Variants in KIF13A observed in about 807,000 individuals in gnomAD.
KIF13A encodes kinesin-like protein KIF13A.
Under a neutral mutation model 212.2 loss-of-function variants are expected in KIF13A, and 79 were observed. The observed-to-expected ratio is 0.37, with a 90% CI of 0.31 to 0.45. The LOEUF (loss-of-function observed/expected upper bound fraction) is 0.45, where lower values mean the gene tolerates loss of function less well. Ranked by LOEUF, KIF13A falls within the 20% of genes least tolerant of loss-of-function variation. The pLI, the probability that KIF13A is intolerant of heterozygous loss-of-function variation, is 1.00. For synonymous variants in KIF13A, 789 were observed against 808.6 expected (o/e 0.98, Z 0.41); for missense variants, 1,901 against 2,209.0 (o/e 0.86, Z 2.79).
intron 18 of KIF13A, among the ~76,000 whole-genome samples, chr6:17,808,309 C>G (rs1321585021): frequency 6.6e-6 from 1 of 152,242 alleles, no homozygotes; most frequent in Non-Finnish European, 1.5e-5. Context: ...TTGCTTGAAC[C>G]CAGGAGGCGG....
At position 17,849,553 on chromosome 6, in the gene KIF13A, T is replaced by C; in HGVS notation, c.718-64A>G. On this transcript the variant is annotated intron_variant, in intron 8 of 38. Transcript: ENST00000259711. The surrounding 1 kb of genome is among the most constrained non-coding windows in gnomAD (Gnocchi z 5.7). ...AATAAAAACCACATGGATATCTACA[T>C]ATATGTTAGCACTATAATTGAGCAA... 1 of 1,151,774 alleles carries C rather than the reference T, an allele frequency of 8.7e-7. No homozygotes were observed. The highest frequency in any genetic ancestry group is 1.3e-6 in the Non-Finnish European group (1 of 784,324). The allele number at this position is 1,151,774 out of a possible 1,614,324, so 71.3% of individuals were successfully genotyped here. A position where few individuals can be genotyped will look rare whatever the true frequency, so the allele number is the denominator to read the frequency against.
chr6:17,953,286 C>T (rs972617995), intron 2 of KIF13A, among the ~76,000 whole-genome samples: 3 of 152,074 alleles, frequency 2.0e-5, no homozygotes, highest in South Asian at 2.1e-4. Context: ...TACATATACA[C>T]GGGTACCTGA....
chr6:17,809,686 CTGAAT>C lies in KIF13A; in HGVS notation c.2001-761_2001-757del, dbSNP rs142933798. 0.025 allele frequency among the ~76,000 whole-genome samples: 3,865 copies of C among 152,284 alleles called. 73 individuals carry two copies. Among genetic ancestry groups the C allele is most frequent in the Non-Finnish European group, 0.04 (2,731 of 68,026 alleles). On this transcript the variant is annotated intron_variant, in intron 17 of 38. Coordinates refer to ENST00000259711, the MANE Select transcript of KIF13A (RefSeq NM_022113.6). The surrounding 1 kb of genome is among the most constrained non-coding windows in gnomAD (Gnocchi z 4.7). The stretch of plus-strand genomic sequence containing the variant: ...TCGTAGGATATTCAAAAAAGACCCA[CTGAAT>C]AAAGAAAAGAGTGCTTCTGGATTTC...
At chr6:17,797,154 C>T (rs1039677220) in intron 22 of KIF13A, among the ~76,000 whole-genome samples, 6 of 152,104 alleles carry the variant, frequency 3.9e-5, no homozygotes, top group Admixed American at 2.0e-4. Context: ...CTCAGCCTCC[C>T]GAGTAGCTGG....
rs36073765 is a variant in KIF13A, at chr6:17,854,546, A to ATTTT, written c.494+887_494+890dup. Reference sequence around the variant, plus strand: ...TAGATACTAGTTTTAAATCAGTATAATTTTTTTTTTTTTTTTTTTTTTTTT... The same window carrying ATTTT: ...TAGATACTAGTTTTAAATCAGTATAATTTTTTTTTTTTTTTTTTTTTTTTTTTTT... On this transcript the variant is annotated intron_variant, in intron 6 of 38. Coordinates refer to ENST00000259711, the MANE Select transcript of KIF13A (RefSeq NM_022113.6). 3.7e-3 allele frequency among the ~76,000 whole-genome samples: 288 copies of ATTTT among 77,122 alleles called. 47 individuals are homozygous for ATTTT. Among genetic ancestry groups the ATTTT allele is most frequent in the Non-Finnish European group, 5.5e-3 (244 of 44,240 alleles). The allele number at this position is 77,122 out of a possible 152,430, so 50.6% of individuals were successfully genotyped here. A position where few individuals can be genotyped will look rare whatever the true frequency, so the allele number is the denominator to read the frequency against.
chr6:17,951,321 G>C lies in KIF13A; in HGVS notation c.146+35733C>G. On this transcript the variant is annotated intron_variant, in intron 2 of 38. Coordinates refer to ENST00000259711, the MANE Select transcript of KIF13A (RefSeq NM_022113.6). This position sits in a 1 kb window ranked among gnomAD's most constrained non-coding sequence, Gnocchi z 4.9. ...TTTAAACAAATTTTTTGTAGAGATG[G>C]GGTTTTGCCATGTTGCAAAGGCTGG... The C allele has an allele frequency of 1.6e-6, 1 of 619,184 alleles. No individual in the cohort carries two copies. Among genetic ancestry groups the C allele is most frequent in the Non-Finnish European group, 2.9e-6 (1 of 345,672 alleles). 38.4% of individuals were successfully genotyped at this position (619,184 alleles called of 1,614,324 possible). A position where few individuals can be genotyped will look rare whatever the true frequency, so the allele number is the denominator to read the frequency against.
rs1247710427 is a variant in KIF13A at position 17,912,913 on chromosome 6, C to T, written c.147-14733G>A. Among the ~76,000 whole-genome samples the T allele has an allele frequency of 3.3e-5, 5 of 151,976 alleles. No individual in the cohort carries two copies. Among genetic ancestry groups the T allele is most frequent in the African/African-American group, 1.2e-4 (5 of 41,402 alleles). ...TCTCCTTTTCAGAACTCTTCTGAAA[C>T]TTCAGACTTCCTTATATCTAATCTT... On this transcript the variant is annotated intron_variant, in intron 2 of 38. Coordinates refer to ENST00000259711, the MANE Select transcript of KIF13A (RefSeq NM_022113.6). The surrounding 1 kb of genome is among the most constrained non-coding windows in gnomAD (Gnocchi z 4.2).
At chr6:17,767,205 T>C (rs1375640422) in intron 38 of KIF13A, among the ~76,000 whole-genome samples, 2 of 152,190 alleles carry the variant, frequency 1.3e-5, no homozygotes, top group African/African-American at 4.8e-5. Context: ...CCAGTAGCCT[T>C]TGCCTATATT....
chr6:17,775,753 T>C (rs149471706), intron 34 of KIF13A, among the ~76,000 whole-genome samples: 4 of 152,354 alleles, frequency 2.6e-5, no homozygotes, highest in Non-Finnish European at 4.4e-5. Context: ...GGTCTCGCTA[T>C]GTTGCCCAGG....
chr6:17,798,793 A>G (rs1762249547), intron 22 of KIF13A, among the ~76,000 whole-genome samples: 1 of 152,220 alleles, frequency 6.6e-6, no homozygotes, highest in Admixed American at 6.5e-5. Flanking sequence ...GAAACTCTAT[A>G]TGAAACATAT....
chr6:17,948,150 T>C (rs1311542500), intron 2 of KIF13A, among the ~76,000 whole-genome samples: 1 of 152,242 alleles, frequency 6.6e-6, no homozygotes, highest in African/African-American at 2.4e-5. Context: ...ATAAATCACA[T>C]AACCGAGTTA....
In KIF13A at chr6:17,826,106, G is replaced by C. The variant is rs1764938822; in HGVS notation, c.1551C>G (p.Thr517=). 8.1e-6 allele frequency: 13 copies of C among 1,613,846 alleles called. No individual in the cohort carries two copies. The highest frequency in any genetic ancestry group is 1.1e-5 in the Non-Finnish European group (13 of 1,179,788). Residue 517 remains threonine, a synonymous_variant, in exon 15 of 39, where the codon ACC becomes ACG. Transcript: ENST00000259711. This position sits in a 1 kb window ranked among gnomAD's most constrained non-coding sequence, Gnocchi z 4.7. ...KENARSCVNG[T]LVCSTTQLWH... ...ACAGCTGGGTGGTACTGCACACAAG[G>C]GTGCCGTTCACACAGGACCTGGGAG...
rs546177088 is a variant in KIF13A at position 17,949,875 on chromosome 6, T to C, written c.146+37179A>G. Among the ~76,000 whole-genome samples, 8 of 152,256 alleles carry C rather than the reference T, an allele frequency of 5.3e-5. No homozygotes were observed. The East Asian group carries it at 9.6e-4, about 18-fold the overall frequency. Reference sequence around the variant, plus strand: ...GAGTTAAGAGATAACAAATGCACTATTGGTGGTTTTAAAAGTAATAATTAT... The same window carrying C: ...GAGTTAAGAGATAACAAATGCACTACTGGTGGTTTTAAAAGTAATAATTAT... On this transcript the variant is annotated intron_variant, in intron 2 of 38. Transcript: ENST00000259711.
intron 2 of KIF13A, among the ~76,000 whole-genome samples, chr6:17,901,241 T>C (rs1388992936): frequency 6.6e-6 from 1 of 152,120 alleles, no homozygotes; most frequent in Non-Finnish European, 1.5e-5. Context: ...ATGTCCTTCT[T>C]TGGTAGTTGT....
Position 17,825,738 on chromosome 6 carries a change from A to G in KIF13A, c.1786+30T>C, listed in dbSNP as rs112782385. The stretch of plus-strand genomic sequence containing the variant: ...ATGGTGTGAGGTGAGGAAATGCCCA[A>G]GGCGCTGGAACACAGAGTGAGGGTC... On this transcript the variant is annotated intron_variant, in intron 16 of 38. Coordinates refer to ENST00000259711, the MANE Select transcript of KIF13A (RefSeq NM_022113.6). This position sits in a 1 kb window ranked among gnomAD's most constrained non-coding sequence, Gnocchi z 4.5. 1.1e-3 allele frequency: 1,810 copies of G among 1,595,502 alleles called. 22 individuals carry two copies. The African/African-American group carries it at 0.022, about 19-fold the overall frequency.
chr6:17,781,062 T>C, intron 30 of KIF13A, 115 bp downstream of exon 30: 1 of 1,437,764 alleles, frequency 7.0e-7, no homozygotes, highest in Non-Finnish European at 9.6e-7. Flanking sequence ...AATGTTCTAT[T>C]TTTTAAAGTC....
rs1171466146 is a variant in KIF13A at position 17,786,313 on chromosome 6, C to G, written c.3362-672G>C. On this transcript the variant is annotated intron_variant, in intron 27 of 38. Transcript: ENST00000259711. This position sits in a 1 kb window ranked among gnomAD's most constrained non-coding sequence, Gnocchi z 5.4. The stretch of plus-strand genomic sequence containing the variant: ...TTACAAAGACAGGATTAAAAAACAC[C>G]ATAGGCCGGGCACGGTGGCTCACGG... Among the ~76,000 whole-genome samples, 1 of 152,106 alleles carries G rather than the reference C, an allele frequency of 6.6e-6. No homozygotes were observed. The highest frequency in any genetic ancestry group is 1.5e-5 in the Non-Finnish European group (1 of 68,004).
chr6:17,771,734 A>G lies in KIF13A; in HGVS notation c.4476+174T>C. The G allele has an allele frequency of 1.8e-6, 1 of 564,850 alleles. No homozygotes were observed. Among genetic ancestry groups the G allele is most frequent in the East Asian group, 2.6e-5 (1 of 38,228 alleles). The allele number at this position is 564,850 out of a possible 1,614,324, so 35.0% of individuals were successfully genotyped here. ...AAAACCACAGCAGCAACAACAAACA[A>G]GAGATTCTACCATGACTCTGCATGC... On this transcript the variant is annotated intron_variant, in intron 37 of 38. Transcript: ENST00000259711. The surrounding 1 kb of genome is among the most constrained non-coding windows in gnomAD (Gnocchi z 5.4).
At chr6:17,860,409 G>A (rs895424256) in intron 4 of KIF13A, among the ~76,000 whole-genome samples, 58 of 152,008 alleles carry the variant, frequency 3.8e-4, no homozygotes, top group African/African-American at 1.4e-3. Flanking sequence ...GGCTGGTCTC[G>A]AACTCCTGAC....
Sources: allele counts gnomAD v4.1 joint callset (sites outside exome capture counted in the v4.1 genomes callset), GRCh38; gene constraint gnomAD v4.1.1; non-coding constraint Gnocchi (gnomAD v3.1); transcripts MANE v1.5; gene names NCBI Gene and HGNC (gene_info 2026-07-23, HGNC 2026-07-21).